The following ADCY2 variants were observed in gnomAD, a reference collection of about 807,000 sequenced individuals.
ADCY2 encodes adenylate cyclase 2.
A neutral mutation model predicts 125.2 loss-of-function variants in ADCY2; 31 were observed. The observed-to-expected ratio is 0.25, with a 90% CI of 0.19 to 0.33. The LOEUF (loss-of-function observed/expected upper bound fraction) is 0.33, where lower values mean the gene tolerates loss of function less well. Among genes scored for constraint, ADCY2 ranks in the 10% least tolerant of loss-of-function variants. The pLI, the probability that ADCY2 is intolerant of heterozygous loss-of-function variation, is 1.00. For missense variants in ADCY2, 904 were observed against 1,418.2 expected (o/e 0.64, Z 5.82); for synonymous variants, 512 against 548.4 (o/e 0.93, Z 0.93).
chr5:7,527,660 A>G (rs1734520448), intron 3 of ADCY2, among the ~76,000 whole-genome samples: 1 of 152,196 alleles, frequency 6.6e-6, no homozygotes, highest in Non-Finnish European at 1.5e-5. Flanking sequence ...ATTTTATAGG[A>G]TGTGTTTACA....
rs554057818 is a variant in ADCY2, at chr5:7,490,979, C to CTA, written c.409-29757_409-29756dup. ...CATAAACTTGAGGGAAAGGATGATG[C>CTA]TATTGCATTAAAAAATAACATGCTC... On this transcript the variant is annotated intron_variant, in intron 2 of 24. Transcript: ENST00000338316. Among the ~76,000 whole-genome samples, 25 of 152,194 alleles carry CTA rather than the reference C, an allele frequency of 1.6e-4. 1 individual carries two copies. The East Asian group carries it at 4.4e-3, about 27-fold the overall frequency.
rs1359142729 is a variant in ADCY2 at position 7,510,156 on chromosome 5, T to C, written c.409-10582T>C. On this transcript the variant is annotated intron_variant, in intron 2 of 24. Transcript: ENST00000338316. ...ATGAAATTTAAAGGAAATATGTATT[T>C]TTTCAATGGTTTTTATTTTAAAATC... Among the ~76,000 whole-genome samples the C allele has an allele frequency of 3.9e-5, 6 of 152,220 alleles. No individual in the cohort carries two copies. In the East Asian group the frequency reaches 1.2e-3, roughly 29 times the overall value.
chr5:7,779,573 A>G (rs1387349548), intron 18 of ADCY2, among the ~76,000 whole-genome samples: 3 of 17,886 alleles, frequency 1.7e-4, no homozygotes, highest in Non-Finnish European at 6.2e-4. Flanking sequence ...CTCCCAGTCC[A>G]ACCCCCCCCC....
intron 4 of ADCY2, among the ~76,000 whole-genome samples, chr5:7,687,609 A>G (rs1429150811): frequency 6.6e-6 from 1 of 152,162 alleles, no homozygotes; most frequent in East Asian, 1.9e-4. Flanking sequence ...CAATGTGCCG[A>G]CCGATTTCTC....
intron 3 of ADCY2, among the ~76,000 whole-genome samples, chr5:7,573,108 A>G (rs1439081680): frequency 6.6e-6 from 1 of 152,180 alleles, no homozygotes; most frequent in Non-Finnish European, 1.5e-5. Flanking sequence ...GCCCTAGAAG[A>G]AACCAACTCT....
At chr5:7,727,880 C>T (rs1230628079) in intron 14 of ADCY2, among the ~76,000 whole-genome samples, 2 of 152,060 alleles carry the variant, frequency 1.3e-5, no homozygotes, top group African/African-American at 2.4e-5. Context: ...AAAAACGAAT[C>T]GCTTTATGAT....
At chr5:7,806,180 C>A (rs1028623763) in intron 22 of ADCY2, among the ~76,000 whole-genome samples, 1 of 152,002 alleles carries the variant, frequency 6.6e-6, no homozygotes, top group Non-Finnish European at 1.5e-5. Context: ...TTAAAATGTA[C>A]AACATTCTTT....
Position 7,690,844 on chromosome 5 carries a change from G to T in ADCY2, c.869+5G>T. ...GAAGCGGCATACAAACGTGAGGTAC[G>T]ACGCTATGCTTGCTCCTTGGCTGGT... is the stretch of plus-strand genomic sequence containing the variant. On this transcript the variant is annotated splice_donor_5th_base_variant and intron_variant, in intron 5 of 24. Coordinates refer to ENST00000338316, the MANE Select transcript of ADCY2 (RefSeq NM_020546.3). 1.9e-6 allele frequency: 3 copies of T among 1,559,760 alleles called. No homozygotes were observed. Among genetic ancestry groups the T allele is most frequent in the Non-Finnish European group, 2.6e-6 (3 of 1,156,012 alleles).
chr5:7,459,712 A>G (rs1351912560), intron 2 of ADCY2, among the ~76,000 whole-genome samples: 3 of 151,104 alleles, frequency 2.0e-5, no homozygotes, highest in African/African-American at 7.3e-5. Context: ...GACACATAAC[A>G]TTAGCAACAT....
At chr5:7,563,027 T>C (rs565973517) in intron 3 of ADCY2, among the ~76,000 whole-genome samples, 4 of 152,354 alleles carry the variant, frequency 2.6e-5, no homozygotes, top group Non-Finnish European at 5.9e-5. Flanking sequence ...TTAAATGCAT[T>C]ATATTGGTCT....
chr5:7,462,925 C>A (rs372798138), intron 2 of ADCY2, among the ~76,000 whole-genome samples: 4 of 152,134 alleles, frequency 2.6e-5, no homozygotes, highest in East Asian at 3.9e-4. Flanking sequence ...GCAGATGAGA[C>A]CTCCCTAGCT....
At chr5:7,729,607 T>A (rs913267843) in intron 14 of ADCY2, among the ~76,000 whole-genome samples, 1 of 151,418 alleles carries the variant, frequency 6.6e-6, no homozygotes, top group Non-Finnish European at 1.5e-5. Flanking sequence ...CATTTTTTTT[T>A]ATGGTAAATT....
At chr5:7,799,341 T>TG (rs1432122573) in intron 20 of ADCY2, 1 of 152,298 alleles carries the variant, frequency 6.6e-6, no homozygotes, top group Non-Finnish European at 1.5e-5. Flanking sequence ...GAACCTCTCT[T>TG]GAGTTCAGTG....
intron 3 of ADCY2, among the ~76,000 whole-genome samples, chr5:7,613,629 T>C (rs988875949): frequency 1.3e-5 from 2 of 152,246 alleles, no homozygotes; most frequent in Admixed American, 6.5e-5. Context: ...TTTCATCTCA[T>C]AGGCGTGACT....
At chr5:7,455,214 T>C (rs1479897713) in intron 2 of ADCY2, among the ~76,000 whole-genome samples, 1 of 152,208 alleles carries the variant, frequency 6.6e-6, no homozygotes, top group Non-Finnish European at 1.5e-5. Context: ...TAAAATTAGC[T>C]AAGGCACCAC....
intron 2 of ADCY2, among the ~76,000 whole-genome samples, chr5:7,437,060 T>TG (rs149640856): frequency 1.6e-3 from 236 of 152,244 alleles, no homozygotes; most frequent in Non-Finnish European, 2.9e-3. Flanking sequence ...GCACCAGCTG[T>TG]GGGGCCCGTG....
chr5:7,413,886 A>G (rs886728677), intron 1 of ADCY2, among the ~76,000 whole-genome samples: 1 of 152,224 alleles, frequency 6.6e-6, no homozygotes, highest in African/African-American at 2.4e-5. Context: ...ATAAATGTAA[A>G]GAAATACATT....
intron 24 of ADCY2, among the ~76,000 whole-genome samples, chr5:7,826,051 G>A (rs370387141): frequency 1.3e-5 from 2 of 152,264 alleles, no homozygotes; most frequent in African/African-American, 4.8e-5. Context: ...TTTCAATGCA[G>A]TGAAGCGAGG....
intron 2 of ADCY2, among the ~76,000 whole-genome samples, chr5:7,425,184 G>C (rs903972886): frequency 1.2e-4 from 18 of 152,238 alleles, no homozygotes; most frequent in African/African-American, 3.9e-4. Flanking sequence ...AAGGAGGTGT[G>C]AGTGGGGTCT....
Sources: allele counts gnomAD v4.1 joint callset (sites outside exome capture counted in the v4.1 genomes callset), GRCh38; gene constraint gnomAD v4.1.1; transcripts MANE v1.5; gene names NCBI Gene and HGNC (gene_info 2026-07-23, HGNC 2026-07-21).